GFI1B: variants seen among roughly 807,000 people sequenced by gnomAD.
GFI1B encodes growth factor independent 1B transcriptional repressor, also known as zinc finger protein Gfi-1b.
Under a neutral mutation model 35.3 loss-of-function variants are expected in GFI1B, and 20 were observed. The observed-to-expected ratio is 0.57, with a 90% CI of 0.40 to 0.82. The LOEUF is 0.82. Ranked by LOEUF, GFI1B falls within the 40% of genes least tolerant of loss-of-function variation. The probability of loss-of-function intolerance (pLI) is 0.00; values close to 1 mark genes in which losing one functional copy is unlikely to be tolerated. For synonymous variants in GFI1B, 178 were observed against 177.6 expected (o/e 1.00, Z -0.02); for missense variants, 430 against 446.3 (o/e 0.96, Z 0.33).
chr9:132,974,363 C>T (rs532932070), upstream of GFI1B, among the ~76,000 whole-genome samples: 2 of 151,806 alleles, frequency 1.3e-5, no homozygotes, highest in South Asian at 2.1e-4. Context: ...TTTGGGAGGC[C>T]GAGGCAGGCA....
At chr9:132,954,411 C>G (rs988042893) in intron 1 of GFI1B, among the ~76,000 whole-genome samples, 4 of 151,830 alleles carry the variant, frequency 2.6e-5, no homozygotes, top group Admixed American at 2.6e-4. Flanking sequence ...CCCATCTCTA[C>G]TAAAAATACA....
rs750016293 is a variant in GFI1B at position 132,987,427 on chromosome 9, G to T, written c.238+8G>T. On this transcript the variant is annotated splice_region_variant and intron_variant, in intron 3 of 6. Coordinates refer to ENST00000372122, the MANE Select transcript of GFI1B (RefSeq NM_001377304.1). Reference sequence around the variant, plus strand: ...GGATGGCCCCGGCACCAGGTACCCCGCTGTGACCCACTGTCATTCCCCAGG... The same window carrying T: ...GGATGGCCCCGGCACCAGGTACCCCTCTGTGACCCACTGTCATTCCCCAGG... The T allele has an allele frequency of 6.2e-7, 1 of 1,614,168 alleles. No individual in the cohort carries two copies. The highest frequency in any genetic ancestry group is 8.5e-7 in the Non-Finnish European group (1 of 1,179,996).
chr9:132,985,482 G>A (rs1396731787), intron 1 of GFI1B, among the ~76,000 whole-genome samples: 1 of 152,120 alleles, frequency 6.6e-6, no homozygotes, highest in African/African-American at 2.4e-5. Context: ...GTGGAGTTGG[G>A]GGTCCTCTCA....
intron 1 of GFI1B, among the ~76,000 whole-genome samples, chr9:132,982,044 C>T (rs540834668): frequency 5.9e-5 from 9 of 152,208 alleles, no homozygotes; most frequent in East Asian, 3.9e-4. Flanking sequence ...TGAGCCACCA[C>T]GCCCGGCCTC....
intron 1 of GFI1B, among the ~76,000 whole-genome samples, chr9:132,972,029 C>G (rs1337993803): frequency 6.7e-6 from 1 of 150,180 alleles, no homozygotes; most frequent in African/African-American, 2.5e-5. Flanking sequence ...AATCCCAGCA[C>G]TTTGGGAGGC....
intron 1 of GFI1B, among the ~76,000 whole-genome samples, chr9:132,961,418 T>C (rs759838481): frequency 2.8e-5 from 3 of 108,186 alleles, no homozygotes; most frequent in African/African-American, 4.3e-5. Context: ...AGTCAATTAT[T>C]TGACAAAAAA....
intron 1 of GFI1B, among the ~76,000 whole-genome samples, chr9:132,984,080 G>A (rs1291279161): frequency 1.3e-5 from 2 of 152,252 alleles, no homozygotes; most frequent in Non-Finnish European, 2.9e-5. Flanking sequence ...GCCTTGGCGA[G>A]TACCTTTGGT....
Position 132,990,823 on chromosome 9 carries a change from G to A in GFI1B, c.815-49G>A, listed in dbSNP as rs1244936752. ...AGGGCAGGGGAGCAGCAGGCCTGGT[G>A]AGGAGGCCCTGACCCCGCCCTTGCT... On this transcript the variant is annotated intron_variant, in intron 6 of 6. Coordinates refer to ENST00000372122, the MANE Select transcript of GFI1B (RefSeq NM_001377304.1). 4.4e-6 allele frequency: 7 copies of A among 1,579,826 alleles called. No individual in the cohort carries two copies. The African/African-American group carries it at 9.4e-5, about 21-fold the overall frequency.
At chr9:132,962,314 T>C (rs1020640526) in intron 1 of GFI1B, among the ~76,000 whole-genome samples, 3 of 151,888 alleles carry the variant, frequency 2.0e-5, no homozygotes, top group African/African-American at 7.3e-5. Flanking sequence ...ATTATTTGTA[T>C]TTTTAGTGGA....
At chr9:132,965,167 G>A (rs936258238) in intron 1 of GFI1B, among the ~76,000 whole-genome samples, 2 of 152,112 alleles carry the variant, frequency 1.3e-5, no homozygotes, top group Non-Finnish European at 2.9e-5. Flanking sequence ...TCCTAGTTCT[G>A]AACACTGAAA....
At chr9:132,973,113 C>CCACCGGGTCCATTGTCCCATT (rs1848559703) in intron 2 of GFI1B, among the ~76,000 whole-genome samples, 2 of 152,232 alleles carry the variant, frequency 1.3e-5, no homozygotes, top group Non-Finnish European at 2.9e-5. Flanking sequence ...AGGGCAGGGA[C>CCACCGGGTCCATTGTCCCATT]CACCGGGTCC....
intron 1 of GFI1B, among the ~76,000 whole-genome samples, chr9:132,946,057 C>A (rs1588398910): frequency 6.6e-6 from 1 of 152,114 alleles, no homozygotes; most frequent in Non-Finnish European, 1.5e-5. Context: ...AAAAATGGCA[C>A]CCCTGGGCTG....
At chr9:132,977,091 G>A (rs1848651843), upstream of GFI1B, among the ~76,000 whole-genome samples, 1 of 152,158 alleles carries the variant, frequency 6.6e-6, no homozygotes, top group Non-Finnish European at 1.5e-5. Flanking sequence ...CTAAGTGGCT[G>A]AGATTACAGG....
downstream of GFI1B, among the ~76,000 whole-genome samples, chr9:132,992,510 A>G (rs368697421): frequency 8.7e-4 from 133 of 152,236 alleles, 4 homozygotes; most frequent in South Asian, 0.026. Flanking sequence ...TGGTAAACAC[A>G]GCAGTCCCTT....
At chr9:132,966,957 A>G (rs756024523) in intron 1 of GFI1B, among the ~76,000 whole-genome samples, 15 of 152,204 alleles carry the variant, frequency 9.9e-5, no homozygotes, top group Non-Finnish European at 1.9e-4. Context: ...CAAGACACAG[A>G]GTGCTAGGGT....
downstream of GFI1B, among the ~76,000 whole-genome samples, chr9:132,993,208 T>G (rs1276299939): frequency 6.6e-6 from 1 of 152,142 alleles, no homozygotes; most frequent in East Asian, 1.9e-4. Context: ...GCAGGAGAAC[T>G]GCTTGAACCT....
chr9:132,974,127 G>C (rs1339673307), upstream of GFI1B, among the ~76,000 whole-genome samples: 1 of 151,350 alleles, frequency 6.6e-6, no homozygotes, highest in Non-Finnish European at 1.5e-5. Flanking sequence ...ATGATGGAGA[G>C]AGAGTCATTC....
chr9:132,965,429 A>G (rs1230455404), intron 1 of GFI1B, among the ~76,000 whole-genome samples: 2 of 152,252 alleles, frequency 1.3e-5, no homozygotes, highest in Non-Finnish European at 2.9e-5. Flanking sequence ...AGTGGGTTGA[A>G]TAGTGGCCCC....
intron 1 of GFI1B, among the ~76,000 whole-genome samples, chr9:132,950,524 C>G (rs12340622): frequency 0.37 from 55,055 of 147,162 alleles, 12,407 homozygotes; most frequent in South Asian, 0.59. Context: ...AGGCCAGGCT[C>G]GGTGGCTCAC....
Sources: gnomAD v4.1 joint callset for allele counts (sites outside exome capture counted in the v4.1 genomes callset) on GRCh38, gnomAD v4.1.1 for gene constraint, MANE v1.5 for transcripts, NCBI Gene and HGNC (gene_info 2026-07-23, HGNC 2026-07-21) for gene names.